Variants in MYO3A observed in about 807,000 individuals in gnomAD.
MYO3A encodes myosin IIIA, also known as myosin-IIIa.
A neutral mutation model predicts 192.7 loss-of-function variants in MYO3A; 180 were observed. The ratio of observed to expected loss-of-function variants is 0.93; its 90% confidence interval spans 0.83 to 1.06. The LOEUF is 1.06. MYO3A is among the 50% of genes least tolerant of loss of function. MYO3A has a pLI of 0.00. For missense variants in MYO3A, 1,896 were observed against 1,905.0 expected, an observed-to-expected ratio of 1.00 and a Z score of 0.09; for synonymous variants, 628 against 645.3, an observed-to-expected ratio of 0.97 and a Z score of 0.41.
intron 18 of MYO3A, among the ~76,000 whole-genome samples, chr10:26,123,725 G>A (rs1839014577): frequency 6.6e-6 from 1 of 152,100 alleles, no homozygotes; most frequent in South Asian, 2.1e-4. Context: ...AGCAGATCGA[G>A]ACCATCCTGG....
chr10:26,023,841 A>G (rs188749502), intron 8 of MYO3A, among the ~76,000 whole-genome samples, 181 bp from the exon 9 acceptor site: 1 of 152,336 alleles, frequency 6.6e-6, no homozygotes, highest in Admixed American at 6.5e-5. Flanking sequence ...AGAAACAAAG[A>G]CCGTGTCATT....
At chr10:26,073,114 C>T (rs185506860) in intron 14 of MYO3A, among the ~76,000 whole-genome samples, 5 of 152,060 alleles carry the variant, frequency 3.3e-5, no homozygotes, top group Admixed American at 3.3e-4. Context: ...GTCCCAGCTA[C>T]TTGGGAAGCT....
At chr10:26,061,383 G>A (rs778129067) in intron 10 of MYO3A, among the ~76,000 whole-genome samples, 6 of 152,134 alleles carry the variant, frequency 3.9e-5, no homozygotes, top group Admixed American at 6.6e-5. Flanking sequence ...ATTCTCTCTG[G>A]AAAGACCTGC....
At chr10:26,076,377 C>A (rs1184116139) in intron 14 of MYO3A, among the ~76,000 whole-genome samples, 2 of 152,014 alleles carry the variant, frequency 1.3e-5, no homozygotes, top group East Asian at 3.9e-4. Context: ...TGTTTGAGTT[C>A]ATTGTAGATT....
intron 10 of MYO3A, among the ~76,000 whole-genome samples, chr10:26,063,185 T>C (rs1383244695): frequency 1.3e-5 from 2 of 152,194 alleles, no homozygotes; most frequent in African/African-American, 4.8e-5. Context: ...TGGCTGGATC[T>C]AGTAGTCAGT....
chr10:26,134,008 G>A (rs1176121340), intron 20 of MYO3A, among the ~76,000 whole-genome samples: 1 of 152,128 alleles, frequency 6.6e-6, no homozygotes, highest in African/African-American at 2.4e-5. Flanking sequence ...ATTCTAAGCT[G>A]ATACCTATTA....
intron 6 of MYO3A, among the ~76,000 whole-genome samples, chr10:25,998,830 C>T (rs543768745): frequency 6.6e-6 from 1 of 152,228 alleles, no homozygotes; most frequent in South Asian, 2.1e-4. Context: ...TGATTTCCTC[C>T]AAAATAAACT....
At chr10:26,202,190 C>CA (rs1178625526) in intron 33 of MYO3A, among the ~76,000 whole-genome samples, 2 of 152,162 alleles carry the variant, frequency 1.3e-5, no homozygotes, top group Non-Finnish European at 2.9e-5. Context: ...TAAGAACAAA[C>CA]AAGAGCGTTT....
chr10:26,120,020 T>C (rs1326539768), intron 17 of MYO3A, among the ~76,000 whole-genome samples: 1 of 146,164 alleles, frequency 6.8e-6, no homozygotes, highest in African/African-American at 2.5e-5. Context: ...AAAAAAAAAT[T>C]AGCTGGGCAT....
chr10:26,108,395 C>A (rs572889060), intron 17 of MYO3A, among the ~76,000 whole-genome samples: 1 of 152,004 alleles, frequency 6.6e-6, no homozygotes, highest in Admixed American at 6.6e-5. Context: ...CTAAAACAAA[C>A]AAACAAAAAA....
At chr10:25,972,895 T>A (rs1838745895) in intron 4 of MYO3A, among the ~76,000 whole-genome samples, 1 of 152,196 alleles carries the variant, frequency 6.6e-6, no homozygotes, top group Non-Finnish European at 1.5e-5. Flanking sequence ...ACAATCTGAT[T>A]CAATTAAGTT....
At chr10:26,020,123 G>A (rs978761018) in intron 7 of MYO3A, among the ~76,000 whole-genome samples, 9 of 152,054 alleles carry the variant, frequency 5.9e-5, no homozygotes, top group Non-Finnish European at 1.3e-4. Flanking sequence ...GAAATGAATT[G>A]GTTAATGGTC....
intron 10 of MYO3A, among the ~76,000 whole-genome samples, chr10:26,059,679 G>T (rs922977362): frequency 6.6e-6 from 1 of 152,152 alleles, no homozygotes. Context: ...GGCATTTGCC[G>T]TATACTTTGT....
Position 26,123,809 on chromosome 10 carries a change from C to A in MYO3A, c.1904-1589C>A, listed in dbSNP as rs76741372. 4.7e-4 allele frequency among the ~76,000 whole-genome samples: 71 copies of A among 152,184 alleles called. 1 individual carries two copies. In the East Asian group the frequency reaches 0.013, roughly 28 times the overall value. On this transcript the variant is annotated intron_variant, in intron 18 of 34. Coordinates refer to ENST00000642920, the MANE Select transcript of MYO3A (RefSeq NM_017433.5). The stretch of plus-strand genomic sequence containing the variant: ...GGCGTGGTGGCGGGCACCTGTAGTC[C>A]CACCTACTTGGTAGGCTGAGGCAGG...
rs59025321 is a variant in MYO3A at position 26,179,089 on chromosome 10, A to ATTTTTTTTT, written c.4438+2262_4438+2270dup. On this transcript the variant is annotated intron_variant, in intron 31 of 34. Transcript: ENST00000642920. ...CTGGGATTACACCGTGCCCAGCCTA[A>ATTTTTTTTT]TTTTTTTTTTTTTTTTTTTTTTTTT... 4.1e-4 allele frequency among the ~76,000 whole-genome samples: 27 copies of ATTTTTTTTT among 66,136 alleles called. 7 individuals are homozygous for ATTTTTTTTT. Among genetic ancestry groups the ATTTTTTTTT allele is most frequent in the African/African-American group, 5.5e-4 (8 of 14,448 alleles). The allele number at this position is 66,136 out of a possible 152,430, so 43.4% of individuals were successfully genotyped here. A position where few individuals can be genotyped will look rare whatever the true frequency, so the allele number is the denominator to read the frequency against.
At chr10:26,065,707 T>A (rs1336221243) in intron 10 of MYO3A, among the ~76,000 whole-genome samples, 1 of 151,812 alleles carries the variant, frequency 6.6e-6, no homozygotes, top group East Asian at 1.9e-4. Context: ...AGTTTGTTGT[T>A]GTTTGTGGGG....
chr10:25,989,414 A>G (rs540104368), intron 4 of MYO3A, among the ~76,000 whole-genome samples: 3 of 152,254 alleles, frequency 2.0e-5, no homozygotes, highest in South Asian at 4.2e-4. Context: ...TTGTTTATGC[A>G]GCTAAAAGGG....
At chr10:26,054,121 A>T (rs1844177901) in intron 10 of MYO3A, among the ~76,000 whole-genome samples, 1 of 149,666 alleles carries the variant, frequency 6.7e-6, no homozygotes, top group Admixed American at 6.7e-5. Context: ...GTGGGATCAG[A>T]TTATAAGAGA....
Position 25,954,964 on chromosome 10 carries a change from A to G in MYO3A, c.259A>G (p.Lys87Glu). The G allele has an allele frequency of 6.2e-7, 1 of 1,613,058 alleles. No homozygotes were observed. The highest frequency in any genetic ancestry group is 1.1e-5 in the South Asian group (1 of 91,060). ...GGTCAGATTCTATGGGATATACTTTAAGAAGGATAAAGTAAATGGAGACAA... is the reference window on the plus strand; with the variant it reads ...GGTCAGATTCTATGGGATATACTTTGAGAAGGATAAAGTAAATGGAGACAA... ...NVVRFYGIYF[K>E]KDKVNGDKLW... The change falls in exon 4 of 35, where the codon AAG (lysine) becomes GAG (glutamate). Residue 87 changes from lysine (K) to glutamate (E), a missense_variant. Physicochemically the swap from Lys to Glu is moderately conservative, Grantham distance 56. Coordinates refer to ENST00000642920, the MANE Select transcript of MYO3A (RefSeq NM_017433.5).
Sources: allele counts gnomAD v4.1 joint callset (sites outside exome capture counted in the v4.1 genomes callset), GRCh38; gene constraint gnomAD v4.1.1; transcripts MANE v1.5; gene names NCBI Gene and HGNC (gene_info 2026-07-23, HGNC 2026-07-21).